Variants in ARHGAP42 observed in about 807,000 individuals in gnomAD.
ARHGAP42 encodes Rho GTPase activating protein 42.
In ARHGAP42, 63 loss-of-function variants were observed where a neutral mutation model predicts 125.0. The ratio of observed to expected loss-of-function variants is 0.50; its 90% CI spans 0.41 to 0.62. ARHGAP42 has a LOEUF of 0.62. ARHGAP42 is among the 20% of genes least tolerant of loss of function. The pLI, the probability that ARHGAP42 is intolerant of heterozygous loss-of-function variation, is 0.00. For synonymous variants in ARHGAP42, 339 were observed against 351.0 expected, an observed-to-expected ratio of 0.97 and a Z score of 0.38; for missense variants, 766 against 1,024.2, an observed-to-expected ratio of 0.75 and a Z score of 3.44.
At chr11:100,789,096 G>A (rs1189056821) in intron 2 of ARHGAP42, among the ~76,000 whole-genome samples, 1 of 152,088 alleles carries the variant, frequency 6.6e-6, no homozygotes, top group African/African-American at 2.4e-5. Context: ...AAGTGGTAAT[G>A]TTTTACTACT....
intron 2 of ARHGAP42, among the ~76,000 whole-genome samples, chr11:100,785,853 G>A (rs1863420395): frequency 6.6e-6 from 1 of 152,172 alleles, no homozygotes; most frequent in South Asian, 2.1e-4. Flanking sequence ...GCAGGATACA[G>A]GCTGGCACTA....
At chr11:100,807,323 G>A (rs1335045742) in intron 3 of ARHGAP42, among the ~76,000 whole-genome samples, 5 of 152,034 alleles carry the variant, frequency 3.3e-5, no homozygotes, top group Admixed American at 2.6e-4. Context: ...AGCCTCCTGA[G>A]TAGCTGAGAT....
chr11:100,832,392 G>A (rs894518151), intron 3 of ARHGAP42, among the ~76,000 whole-genome samples: 4 of 152,208 alleles, frequency 2.6e-5, no homozygotes, highest in Non-Finnish European at 5.9e-5. Context: ...AGCCAGACCT[G>A]AAGCTTCTCT....
intron 5 of ARHGAP42, among the ~76,000 whole-genome samples, chr11:100,916,145 T>C (rs1867057240): frequency 6.6e-6 from 1 of 152,166 alleles, no homozygotes; most frequent in Non-Finnish European, 1.5e-5. Flanking sequence ...GGCCGTCAAC[T>C]AGGCCATTGG....
intron 1 of ARHGAP42, among the ~76,000 whole-genome samples, chr11:100,705,825 C>G (rs531393598): frequency 5.9e-5 from 9 of 152,256 alleles, no homozygotes; most frequent in Non-Finnish European, 1.0e-4. Context: ...CCTTGGCCTC[C>G]CAGAGTGCTG....
rs577707172 is a variant in ARHGAP42 at position 100,884,168 on chromosome 11, A to G, written c.384+24543A>G. Among the ~76,000 whole-genome samples the G allele has an allele frequency of 2.0e-5, 3 of 152,332 alleles. No homozygotes were observed. The East Asian group carries it at 5.8e-4, about 29-fold the overall frequency. ...ATTTCTCTGTGTAGTTTCATAACAA[A>G]AAAACTATCAGTCTGGGATTGCTGT... On this transcript the variant is annotated intron_variant, in intron 4 of 23. Transcript: ENST00000298815.
intron 5 of ARHGAP42, among the ~76,000 whole-genome samples, chr11:100,914,753 C>T (rs1297480930): frequency 6.6e-6 from 1 of 152,136 alleles, no homozygotes; most frequent in African/African-American, 2.4e-5. Context: ...CTAGGAAAAC[C>T]TCCTCCCTTC....
At chr11:100,807,235 G>A (rs539789101) in intron 3 of ARHGAP42, among the ~76,000 whole-genome samples, 11 of 147,380 alleles carry the variant, frequency 7.5e-5, no homozygotes, top group African/African-American at 2.8e-4. Flanking sequence ...TGCTCTTGTT[G>A]CCCAGGCTGG....
Position 100,974,530 on chromosome 11 carries a change from A to C in ARHGAP42, c.1782A>C (p.Thr594=). 6.4e-7 allele frequency: 1 copy of C among 1,551,120 alleles called. No homozygotes were observed. Among genetic ancestry groups the C allele is most frequent in the Non-Finnish European group, 8.7e-7 (1 of 1,146,726 alleles). Residue 594 remains threonine (T), a synonymous_variant, in exon 19 of 24, where the codon ACA becomes ACC. Coordinates refer to ENST00000298815, the MANE Select transcript of ARHGAP42 (RefSeq NM_152432.4). ...QPQSRSGSRR[T]RAICLSTGSR... ...AGTCTCGATCTGGATCCCGAAGGAC[A>C]CGAGCAATCTGCCTCTCTACAGGGT...
chr11:100,931,989 G>A (rs977556600), intron 6 of ARHGAP42, among the ~76,000 whole-genome samples: 6 of 152,058 alleles, frequency 3.9e-5, no homozygotes, highest in Admixed American at 2.6e-4. Context: ...TATAATATCA[G>A]GACTGTTTGA....
At chr11:100,760,376 A>G (rs1862673364) in intron 1 of ARHGAP42, among the ~76,000 whole-genome samples, 1 of 152,192 alleles carries the variant, frequency 6.6e-6, no homozygotes, top group African/African-American at 2.4e-5. Context: ...TCACTAGCCT[A>G]GAAGGTAATA....
At chr11:100,903,155 A>ACACACACACACACACACC in intron 4 of ARHGAP42, among the ~76,000 whole-genome samples, 1 of 151,010 alleles carries the variant, frequency 6.6e-6, no homozygotes. Flanking sequence ...ACACACACAC[A>ACACACACACACACACACC]CCAAGCTTTA....
At chr11:100,932,755 T>C (rs1388743736) in intron 6 of ARHGAP42, among the ~76,000 whole-genome samples, 1 of 152,246 alleles carries the variant, frequency 6.6e-6, no homozygotes, top group Non-Finnish European at 1.5e-5. Context: ...GTACTTCTTA[T>C]CTGTGATTTA....
chr11:100,860,238 CCT>C (rs1865414733), intron 4 of ARHGAP42, among the ~76,000 whole-genome samples: 2 of 152,110 alleles, frequency 1.3e-5, no homozygotes, highest in Admixed American at 6.5e-5. Flanking sequence ...TCATTCTTAC[CCT>C]GTTTGAGTTT....
intron 3 of ARHGAP42, among the ~76,000 whole-genome samples, chr11:100,797,591 C>T (rs1434542850): frequency 6.6e-6 from 1 of 150,884 alleles, no homozygotes; most frequent in Non-Finnish European, 1.5e-5. Flanking sequence ...ACTGTTGAGA[C>T]CTAATGTTCA....
chr11:100,696,985 G>C (rs1565531910), intron 1 of ARHGAP42, among the ~76,000 whole-genome samples: 1 of 152,068 alleles, frequency 6.6e-6, no homozygotes, highest in African/African-American at 2.4e-5. Flanking sequence ...TCTCTAGGAG[G>C]GTTGTCAATG....
intron 22 of ARHGAP42, 21 bp from the exon 23 acceptor site, chr11:100,987,492 C>A (rs759537102): frequency 1.3e-6 from 2 of 1,547,948 alleles, no homozygotes; most frequent in Non-Finnish European, 1.7e-6. Flanking sequence ...GAGGTTTTGA[C>A]AAGTTGTCTT....
At chr11:100,804,841 G>A (rs923425483) in intron 3 of ARHGAP42, among the ~76,000 whole-genome samples, 1 of 152,104 alleles carries the variant, frequency 6.6e-6, no homozygotes, top group African/African-American at 2.4e-5. Flanking sequence ...AAAGTGTGTC[G>A]GTAACGTCAT....
chr11:100,770,504 C>A, intron 2 of ARHGAP42, 66 bp downstream of exon 2: 2 of 1,063,628 alleles, frequency 1.9e-6, no homozygotes, highest in Non-Finnish European at 2.7e-6. Flanking sequence ...AATAGACACA[C>A]ACCTAAATAA....
Sources: allele counts gnomAD v4.1 joint callset (sites outside exome capture counted in the v4.1 genomes callset), GRCh38; gene constraint gnomAD v4.1.1; transcripts MANE v1.5; gene names NCBI Gene and HGNC (gene_info 2026-07-23, HGNC 2026-07-21).